The following GRID2 variants were observed in gnomAD, a reference collection of about 807,000 sequenced individuals.
The protein encoded by GRID2 is glutamate ionotropic receptor delta type subunit 2, also known as glutamate receptor ionotropic, delta-2.
A neutral mutation model predicts 114.8 loss-of-function variants in GRID2; 33 were observed. That is an observed-to-expected ratio of 0.29 (90% CI 0.22 to 0.38). GRID2 has a LOEUF of 0.38. Ranked by LOEUF, GRID2 falls within the 10% of genes least tolerant of loss-of-function variation. The pLI is 1.00. For missense variants in GRID2, 1,184 were observed against 1,257.7 expected, an observed-to-expected ratio of 0.94 and a Z score of 0.89; for synonymous variants, 505 against 449.9, an observed-to-expected ratio of 1.12 and a Z score of -1.55.
intron 8 of GRID2, among the ~76,000 whole-genome samples, chr4:93,313,923 G>T (rs1281378711): frequency 6.6e-6 from 1 of 152,136 alleles, no homozygotes; most frequent in East Asian, 1.9e-4. Flanking sequence ...CACATAAGCA[G>T]CTAGCATGTG....
At chr4:92,364,428 T>C (rs1464863665) in intron 1 of GRID2, among the ~76,000 whole-genome samples, 1 of 152,148 alleles carries the variant, frequency 6.6e-6, no homozygotes, top group Non-Finnish European at 1.5e-5. Flanking sequence ...TGTTTTGATA[T>C]AGATTATTTC....
intron 2 of GRID2, among the ~76,000 whole-genome samples, chr4:92,989,866 TGAAA>T (rs1456041238): frequency 7.9e-5 from 12 of 152,062 alleles, no homozygotes; most frequent in African/African-American, 2.9e-4. Context: ...TCCGTTTATA[TGAAA>T]GAAAGAAAAA....
At chr4:92,327,385 T>C (rs1482557112) in intron 1 of GRID2, among the ~76,000 whole-genome samples, 5 of 151,690 alleles carry the variant, frequency 3.3e-5, no homozygotes, top group African/African-American at 9.7e-5. Flanking sequence ...TGTGTGTGTG[T>C]GCCTTCTCAA....
At chr4:93,106,806 A>G (rs1732282137) in intron 3 of GRID2, among the ~76,000 whole-genome samples, 1 of 152,108 alleles carries the variant, frequency 6.6e-6, no homozygotes, top group Non-Finnish European at 1.5e-5. Context: ...TATGCTTGCC[A>G]TTTTGGGTAG....
intron 2 of GRID2, among the ~76,000 whole-genome samples, chr4:92,946,068 T>G (rs1183166104): frequency 6.6e-6 from 1 of 152,136 alleles, no homozygotes; most frequent in Non-Finnish European, 1.5e-5. Context: ...AATCTCACCG[T>G]TTAGGTCTCA....
At chr4:92,461,098 C>T (rs1424957481) in intron 1 of GRID2, among the ~76,000 whole-genome samples, 2 of 151,242 alleles carry the variant, frequency 1.3e-5, no homozygotes, top group African/African-American at 4.9e-5. Flanking sequence ...ATTTATATAA[C>T]TTTCTTTCTT....
intron 2 of GRID2, among the ~76,000 whole-genome samples, chr4:92,732,549 G>A (rs531010488): frequency 6.6e-6 from 1 of 152,130 alleles, no homozygotes; most frequent in Admixed American, 6.6e-5. Context: ...GCTTGGACAT[G>A]ATTAGACTCC....
intron 14 of GRID2, among the ~76,000 whole-genome samples, chr4:93,750,380 A>G (rs760949979): frequency 6.6e-6 from 1 of 152,228 alleles, no homozygotes; most frequent in Non-Finnish European, 1.5e-5. Flanking sequence ...AGAATCTCTG[A>G]CTTGTAGCCA....
intron 2 of GRID2, among the ~76,000 whole-genome samples, chr4:92,649,047 T>C (rs1400372071): frequency 1.5e-3 from 1 of 652 alleles, no homozygotes; most frequent in African/African-American, 3.4e-3. Flanking sequence ...TATATATATA[T>C]ATAATATATA....
intron 2 of GRID2, among the ~76,000 whole-genome samples, chr4:92,683,509 C>G (rs1733752274): frequency 6.6e-6 from 1 of 151,574 alleles, no homozygotes; most frequent in African/African-American, 2.4e-5. Context: ...AAATACCTTA[C>G]CATTAGGATT....
chr4:93,763,232 G>C (rs1560984903), intron 14 of GRID2, among the ~76,000 whole-genome samples: 1 of 152,058 alleles, frequency 6.6e-6, no homozygotes, highest in Non-Finnish European at 1.5e-5. Flanking sequence ...AAAAGAGTAA[G>C]GGAAAAGAGA....
intron 2 of GRID2, among the ~76,000 whole-genome samples, chr4:92,793,587 A>G (rs1389061447): frequency 6.6e-6 from 1 of 151,838 alleles, no homozygotes. Context: ...GTAGGAATGA[A>G]TGTCTGTAGG....
At chr4:93,577,363 A>C (rs2149588510) in intron 13 of GRID2, among the ~76,000 whole-genome samples, 1 of 152,346 alleles carries the variant, frequency 6.6e-6, no homozygotes, top group Non-Finnish European at 1.5e-5. Context: ...AAAAAACCAC[A>C]GTGATTGAAG....
At chr4:93,369,314 A>G (rs981230635) in intron 8 of GRID2, among the ~76,000 whole-genome samples, 3 of 152,186 alleles carry the variant, frequency 2.0e-5, no homozygotes, top group Non-Finnish European at 4.4e-5. Flanking sequence ...CATTGGGTTT[A>G]GTGCATATTC....
chr4:92,905,229 T>G (rs1747856389), intron 2 of GRID2, among the ~76,000 whole-genome samples: 1 of 152,180 alleles, frequency 6.6e-6, no homozygotes, highest in Non-Finnish European at 1.5e-5. Context: ...TAATTAAAAA[T>G]TTGATTCATC....
At chr4:93,500,524 C>T (rs1369867365) in intron 12 of GRID2, among the ~76,000 whole-genome samples, 1 of 151,926 alleles carries the variant, frequency 6.6e-6, no homozygotes, top group Admixed American at 6.6e-5. Flanking sequence ...GCTTATGGAG[C>T]TACTGTTTCT....
chr4:92,419,472 C>T (rs868346714), intron 1 of GRID2, among the ~76,000 whole-genome samples: 8 of 152,032 alleles, frequency 5.3e-5, no homozygotes, highest in South Asian at 2.1e-4. Flanking sequence ...GGATAAAATA[C>T]GTCAAATAAA....
intron 2 of GRID2, among the ~76,000 whole-genome samples, chr4:93,040,831 A>G (rs1725442728): frequency 6.6e-6 from 1 of 152,026 alleles, no homozygotes; most frequent in Admixed American, 6.5e-5. Context: ...AAATTTTAAG[A>G]AATTTTCGAG....
At chr4:93,503,947 G>A (rs886691025) in intron 12 of GRID2, among the ~76,000 whole-genome samples, 1 of 152,052 alleles carries the variant, frequency 6.6e-6, no homozygotes, top group African/African-American at 2.4e-5. Context: ...CCCTGTTCCT[G>A]TGTTATAAAG....
Sources: allele counts gnomAD v4.1 joint callset (sites outside exome capture counted in the v4.1 genomes callset), GRCh38; gene constraint gnomAD v4.1.1; transcripts MANE v1.5; gene names NCBI Gene and HGNC (gene_info 2026-07-23, HGNC 2026-07-21).